HAUS4: variants seen among roughly 807,000 people sequenced by gnomAD.
HAUS4 encodes HAUS augmin like complex subunit 4, also known as HAUS augmin-like complex subunit 4.
HAUS4 carries 34 observed loss-of-function variants against 50.6 expected under a neutral mutation model. The observed-to-expected ratio is 0.67, with a 90% CI of 0.51 to 0.90. The LOEUF is 0.90. HAUS4 is among the 40% of genes least tolerant of loss of function. HAUS4 has a pLI of 0.00. For synonymous variants in HAUS4, 149 were observed against 161.4 expected, an observed-to-expected ratio of 0.92 and a Z score of 0.58; for missense variants, 370 against 428.7, an observed-to-expected ratio of 0.86 and a Z score of 1.21.
intron 6 of HAUS4, among the ~76,000 whole-genome samples, chr14:22,949,268 G>C (rs2044704586): frequency 6.6e-6 from 1 of 151,576 alleles, no homozygotes; most frequent in African/African-American, 2.4e-5. Flanking sequence ...AGTGGCTCAC[G>C]CCTGTAATCC....
chr14:22,954,387 G>A lies in HAUS4; in HGVS notation c.55+713C>T, dbSNP rs546031547. On this transcript the variant is annotated intron_variant, in intron 2 of 9. Transcript: ENST00000541587. ...GATATAGAAAATGCAAGCTCTTGAA[G>A]GATTCAAGATATAGAAAGGATCTGA... 4.6e-5 allele frequency: 7 copies of A among 152,242 alleles called. 1 individual carries two copies. The South Asian group carries it at 1.5e-3, about 32-fold the overall frequency. 9.4% of individuals were successfully genotyped at this position (152,242 alleles called of 1,614,324 possible).
rs1369178118 is a variant in HAUS4 at position 22,948,442 on chromosome 14, A to T, written c.563-429T>A. ...TCCAGTCTGGGTGACAGAGTTTTTA[A>T]AAAAAAAAAAGCGGGGGGGGGGAGG... On this transcript the variant is annotated intron_variant, in intron 6 of 9. Coordinates refer to ENST00000541587, the MANE Select transcript of HAUS4 (RefSeq NM_001166269.2). Among the ~76,000 whole-genome samples the T allele has an allele frequency of 1.5e-3, 76 of 50,582 alleles. 2 individuals are homozygous for T. The highest frequency in any genetic ancestry group is 3.1e-3 in the Non-Finnish European group (57 of 18,126). 33.2% of individuals were successfully genotyped at this position (50,582 alleles called of 152,430 possible). A position where few individuals can be genotyped will look rare whatever the true frequency, so the allele number is the denominator to read the frequency against.
At position 22,951,614 on chromosome 14, in the gene HAUS4, T is replaced by C. The variant is rs1434481685; in HGVS notation, c.406A>G (p.Ile136Val). 6.2e-7 allele frequency: 1 copy of C among 1,613,804 alleles called. No individual in the cohort carries two copies. Among genetic ancestry groups the C allele is most frequent in the East Asian group, 2.2e-5 (1 of 44,888 alleles). Residue 136 changes from isoleucine to valine, a missense_variant, in exon 5 of 10, where the codon ATA becomes GTA. Ile to Val is a conservative substitution (Grantham distance 29). Coordinates refer to ENST00000541587, the MANE Select transcript of HAUS4 (RefSeq NM_001166269.2). ...RLLGPSQERE[I>V]PPLLGLEKAD... Reference sequence around the variant, plus strand: ...TTCTCCAGCCCCAGCAGTGGAGGTATCTCCCTCTCCTGGCTAGGACCTAAG... The same window carrying C: ...TTCTCCAGCCCCAGCAGTGGAGGTACCTCCCTCTCCTGGCTAGGACCTAAG...
chr14:22,951,404 C>T, intron 5 of HAUS4, 151 bp downstream of exon 5: 3 of 784,080 alleles, frequency 3.8e-6, no homozygotes, highest in South Asian at 3.1e-5. Flanking sequence ...CTTTTACTTG[C>T]TCCTGTGTAA....
rs747678993 is a variant in HAUS4 at position 22,946,562 on chromosome 14, C to T, written c.1055G>A (p.Arg352Gln). 9.3e-6 allele frequency: 15 copies of T among 1,613,902 alleles called. No homozygotes were observed. The highest frequency in any genetic ancestry group is 1.2e-5 in the Non-Finnish European group (14 of 1,179,970). Residue 352 changes from arginine to glutamine, a missense_variant, in exon 10 of 10, where the codon CGG (arginine) becomes CAG (glutamine). Transcript: ENST00000541587. Reference protein sequence around the residue: ...TVLKQATENKRWALQEFSKVY... With the variant: ...TVLKQATENKQWALQEFSKVY... Reference sequence around the variant, plus strand: ...CTTGCTGAACTCCTGGAGGGCCCACCGCTTGTTCTCTGTTGCCTGCTTGAG... The same window carrying T: ...CTTGCTGAACTCCTGGAGGGCCCACTGCTTGTTCTCTGTTGCCTGCTTGAG...
intron 8 of HAUS4, 136 bp from the exon 9 acceptor site, chr14:22,947,375 C>A: frequency 1.3e-6 from 1 of 746,376 alleles, no homozygotes; most frequent in Non-Finnish European, 2.3e-6. Flanking sequence ...TCTGAATTCC[C>A]GAGCAATTGA....
chr14:22,952,271 G>T lies in HAUS4; in HGVS notation c.330+57C>A. ...GACCTCAAGTGATCAGCCTGCCTGG[G>T]GCTCCCAAAGTGCTGGGATTACAGG... On this transcript the variant is annotated intron_variant, in intron 4 of 9. Transcript: ENST00000541587. 2.1e-6 allele frequency: 3 copies of T among 1,427,630 alleles called. No homozygotes were observed. In the South Asian group the frequency reaches 3.5e-5, roughly 17 times the overall value. The allele number at this position is 1,427,630 out of a possible 1,614,324, so 88.4% of individuals were successfully genotyped here.
Position 22,947,185 on chromosome 14 carries a change from A to G in HAUS4, c.894T>C (p.Val298=), listed in dbSNP as rs1290188041. ...SDTYTVEKVE[V]HRLIRDRLEG... is the part of the protein sequence containing the mutation. ...GGAGTTCTCACCTAATCAGACGATG[A>G]ACTTCCACTTTCTCAACAGTGTAAG... The change falls in exon 9 of 10, where the codon GTT becomes GTC. Residue 298 remains valine (V), a synonymous_variant. Coordinates refer to ENST00000541587, the MANE Select transcript of HAUS4 (RefSeq NM_001166269.2). 6.3e-7 allele frequency: 1 copy of G among 1,598,976 alleles called. No homozygotes were observed. Among genetic ancestry groups the G allele is most frequent in the Admixed American group, 1.7e-5 (1 of 59,906 alleles).
At position 22,946,799 on chromosome 14, in the gene HAUS4, T is replaced by G. The variant is rs1162050561; in HGVS notation, c.909-91A>C. ...TGAAAAACTTTTTTTTTTTTTTTTT[T>G]GTCAGATGGAGTCTCGCTCTGTCAC... is the stretch of plus-strand genomic sequence containing the variant. On this transcript the variant is annotated intron_variant, in intron 9 of 9. Transcript: ENST00000541587. 71 of 874,082 alleles carry G rather than the reference T, an allele frequency of 8.1e-5. No individual in the cohort carries two copies. In the East Asian group the frequency reaches 1.8e-3, roughly 22 times the overall value. The allele number at this position is 874,082 out of a possible 1,614,324, so 54.1% of individuals were successfully genotyped here.
chr14:22,954,788 C>A (rs981722959), intron 2 of HAUS4: 1 of 215,050 alleles, frequency 4.7e-6, no homozygotes, highest in African/African-American at 2.4e-5. Flanking sequence ...TACAGTGGCA[C>A]GATCTCAGCT....
chr14:22,947,098 C>A (rs2044657215), intron 9 of HAUS4, 73 bp downstream of exon 9: 4 of 1,046,892 alleles, frequency 3.8e-6, no homozygotes, highest in Non-Finnish European at 4.5e-6. Flanking sequence ...ATGGCAACAT[C>A]TTTAAATAAA....
chr14:22,946,518 C>T lies in HAUS4; in HGVS notation c.*7G>A. On this transcript the variant is annotated 3_prime_UTR_variant, in exon 10 of 10. Coordinates refer to ENST00000541587, the MANE Select transcript of HAUS4 (RefSeq NM_001166269.2). ...GCAGAAGCCATGTCTCCTGGCCCTG[C>T]CAGAGCTCAACGGTAGACCTTGCTG... is the stretch of plus-strand genomic sequence containing the variant. 3 of 1,609,052 alleles carry T rather than the reference C, an allele frequency of 1.9e-6. No individual in the cohort carries two copies. The highest frequency in any genetic ancestry group is 2.5e-6 in the Non-Finnish European group (3 of 1,177,048).
chr14:22,947,164 T>G lies in HAUS4; in HGVS notation c.908+7A>C, dbSNP rs1177596169. The G allele has an allele frequency of 3.2e-6, 5 of 1,544,050 alleles. No homozygotes were observed. The highest frequency in any genetic ancestry group is 4.5e-6 in the Non-Finnish European group (5 of 1,116,384). On this transcript the variant is annotated splice_region_variant and intron_variant, in intron 9 of 9. Coordinates refer to ENST00000541587, the MANE Select transcript of HAUS4 (RefSeq NM_001166269.2). ...AACAGCTGTACCAGACTCTTAGGAG[T>G]TCTCACCTAATCAGACGATGAACTT...
intron 1 of HAUS4, chr14:22,955,491 A>C (rs1046619305): frequency 2.2e-5 from 5 of 225,176 alleles, no homozygotes; most frequent in Admixed American, 5.6e-5. Flanking sequence ...AGGATTCTCC[A>C]CCACCACCAC....
chr14:22,955,877 G>A (rs1420821671), intron 1 of HAUS4, among the ~76,000 whole-genome samples: 1 of 152,106 alleles, frequency 6.6e-6, no homozygotes, highest in African/African-American at 2.4e-5. Flanking sequence ...TGTTTTGCCA[G>A]AACATGGAGT....
intron 4 of HAUS4, among the ~76,000 whole-genome samples, chr14:22,952,088 G>A (rs544512757): frequency 6.6e-6 from 1 of 152,282 alleles, no homozygotes; most frequent in East Asian, 1.9e-4. Context: ...CGCAATCTCG[G>A]CTCACTGCAA....
intron 2 of HAUS4, among the ~76,000 whole-genome samples, chr14:22,954,056 C>G (rs757883208): frequency 1.4e-4 from 21 of 152,156 alleles, no homozygotes; most frequent in Non-Finnish European, 2.8e-4. Context: ...GCATGAGCCA[C>G]CACACCTGGC....
chr14:22,951,475 G>A, intron 5 of HAUS4, 80 bp downstream of exon 5: 1 of 1,499,274 alleles, frequency 6.7e-7, no homozygotes. Context: ...AAACAATAAA[G>A]CTTGACAAAA....
In HAUS4 at chr14:22,947,571, C is replaced by T. The variant is rs779812973; in HGVS notation, c.839+30G>A. 2.5e-6 allele frequency: 4 copies of T among 1,612,022 alleles called. No individual in the cohort carries two copies. The Admixed American group carries it at 6.7e-5, about 27-fold the overall frequency. ...GAGGGCTGATAACGTGAGACAGAATCCCTTAAGATCCACAGGGGTCACAGC... is the reference window on the plus strand; with the variant it reads ...GAGGGCTGATAACGTGAGACAGAATTCCTTAAGATCCACAGGGGTCACAGC... On this transcript the variant is annotated intron_variant, in intron 8 of 9. Coordinates refer to ENST00000541587, the MANE Select transcript of HAUS4 (RefSeq NM_001166269.2).
Sources: gnomAD v4.1 joint callset for allele counts (sites outside exome capture counted in the v4.1 genomes callset) on GRCh38, gnomAD v4.1.1 for gene constraint, MANE v1.5 for transcripts, NCBI Gene and HGNC (gene_info 2026-07-23, HGNC 2026-07-21) for gene names.